The following RBFOX1 variants were observed in gnomAD, a reference collection of about 807,000 sequenced individuals.
RBFOX1 encodes RNA binding fox-1 homolog 1, also known as RNA binding protein fox-1 homolog 1.
RBFOX1 carries 8 observed loss-of-function variants against 57.7 expected under a neutral mutation model. The ratio of observed to expected loss-of-function variants is 0.14; its 90% CI spans 0.08 to 0.25. The LOEUF is 0.25. Among genes scored for constraint, RBFOX1 ranks in the 10% least tolerant of loss-of-function variants. The pLI is 1.00. For missense variants in RBFOX1, 611 were observed against 548.5 expected, an observed-to-expected ratio of 1.11 and a Z score of -1.14; for synonymous variants, 326 against 222.4, an observed-to-expected ratio of 1.47 and a Z score of -4.15.
intron 3 of RBFOX1, among the ~76,000 whole-genome samples, chr16:5,742,143 C>T (rs1301304102): frequency 6.6e-6 from 1 of 151,994 alleles, no homozygotes; most frequent in African/African-American, 2.4e-5. Flanking sequence ...TACATTTTTC[C>T]ATCATTTGGT....
intron 1 of RBFOX1, among the ~76,000 whole-genome samples, chr16:6,154,166 C>T (rs1331094849): frequency 6.6e-6 from 1 of 152,164 alleles, no homozygotes; most frequent in East Asian, 1.9e-4. Flanking sequence ...ATCATGCAAG[C>T]CAGTTATCTC....
chr16:7,559,633 C>T (rs2089819809), intron 5 of RBFOX1, among the ~76,000 whole-genome samples: 3 of 152,202 alleles, frequency 2.0e-5, no homozygotes, highest in Non-Finnish European at 1.5e-5. Context: ...AGTGATTGTG[C>T]TTTCCAAGGT....
intron 4 of RBFOX1, among the ~76,000 whole-genome samples, chr16:7,472,711 T>G (rs2061795010): frequency 6.6e-6 from 1 of 152,222 alleles, no homozygotes; most frequent in Admixed American, 6.5e-5. Context: ...TAGTAGCATG[T>G]GATCATATGA....
chr16:5,321,293 G>A (rs533925857), intron 1 of RBFOX1, among the ~76,000 whole-genome samples: 2 of 151,550 alleles, frequency 1.3e-5, no homozygotes, highest in Admixed American at 6.6e-5. Flanking sequence ...GATCATTACT[G>A]TACTAAAACA....
chr16:7,082,025 A>T (rs1226445939), intron 4 of RBFOX1, among the ~76,000 whole-genome samples: 2 of 152,152 alleles, frequency 1.3e-5, no homozygotes, highest in East Asian at 3.9e-4. Context: ...GGAAGAAGCG[A>T]TTGAATTCCT....
At chr16:7,367,675 C>G (rs1201331723) in intron 4 of RBFOX1, among the ~76,000 whole-genome samples, 3 of 152,128 alleles carry the variant, frequency 2.0e-5, no homozygotes, top group Non-Finnish European at 2.9e-5. Flanking sequence ...AAACAGAGAA[C>G]AAATGTCCCA....
rs1221239965 is a variant in RBFOX1 at position 5,366,446 on chromosome 16, C to G, written c.220-100770C>G. ...CAAGTCAAATCAAAATGAAAAGACT[C>G]AGAACCATCATCAACACCAAGATCA... is the stretch of plus-strand genomic sequence containing the variant. On this transcript the variant is annotated intron_variant, in intron 1 of 2. Transcript: ENST00000585867. The G allele has an allele frequency of 2.9e-5, 13 of 449,128 alleles. No individual in the cohort carries two copies. The Admixed American group carries it at 3.0e-4, about 10-fold the overall frequency. 27.8% of individuals were successfully genotyped at this position (449,128 alleles called of 1,614,324 possible). A position where few individuals can be genotyped will look rare whatever the true frequency, so the allele number is the denominator to read the frequency against.
chr16:7,627,124 CT>C (rs58159930), intron 10 of RBFOX1, among the ~76,000 whole-genome samples: 191 of 128,340 alleles, frequency 1.5e-3, no homozygotes, highest in Middle Eastern at 4.3e-3. Flanking sequence ...CCTCCGCCTC[CT>C]TTTTTTTTTT....
At chr16:5,722,068 A>G (rs879144558) in intron 3 of RBFOX1, among the ~76,000 whole-genome samples, 7 of 152,114 alleles carry the variant, frequency 4.6e-5, no homozygotes, top group Admixed American at 4.6e-4. Flanking sequence ...GAAGTATTGA[A>G]CTCTGTTAGC....
chr16:7,705,327 A>G (rs914887797), intron 14 of RBFOX1, among the ~76,000 whole-genome samples: 1 of 152,046 alleles, frequency 6.6e-6, no homozygotes, highest in Non-Finnish European at 1.5e-5. Context: ...TAACACAGTG[A>G]AGCCCCATAT....
intron 3 of RBFOX1, among the ~76,000 whole-genome samples, chr16:6,972,591 G>A (rs959808064): frequency 1.3e-5 from 2 of 152,156 alleles, no homozygotes; most frequent in Admixed American, 1.3e-4. Flanking sequence ...TGATTGGAAT[G>A]TTCTGGGAGA....
intron 4 of RBFOX1, among the ~76,000 whole-genome samples, chr16:7,177,724 C>T (rs1026735523): frequency 6.6e-6 from 1 of 152,164 alleles, no homozygotes; most frequent in Admixed American, 6.6e-5. Flanking sequence ...GGAGCCAGGT[C>T]ATAAATATTT....
intron 3 of RBFOX1, among the ~76,000 whole-genome samples, chr16:6,735,729 C>G (rs772866183): frequency 3.9e-5 from 6 of 152,036 alleles, no homozygotes; most frequent in Non-Finnish European, 8.8e-5. Flanking sequence ...ATGAAAAGCC[C>G]CAGTGCAGGA....
chr16:6,877,488 G>A (rs1314908052), intron 3 of RBFOX1, among the ~76,000 whole-genome samples: 1 of 152,138 alleles, frequency 6.6e-6, no homozygotes, highest in Admixed American at 6.6e-5. Context: ...ACCATAAAAT[G>A]CCTACTTACT....
chr16:6,002,498 A>G (rs1162447513), intron 4 of RBFOX1, among the ~76,000 whole-genome samples: 2 of 152,168 alleles, frequency 1.3e-5, no homozygotes, highest in African/African-American at 2.4e-5. Context: ...TAAAACAGGA[A>G]ATCTTCTTTG....
intron 2 of RBFOX1, among the ~76,000 whole-genome samples, chr16:6,449,002 T>C (rs979818814): frequency 3.3e-5 from 5 of 152,160 alleles, no homozygotes; most frequent in African/African-American, 1.2e-4. Context: ...TAAACCTACA[T>C]TGAAAAAGAA....
chr16:5,357,282 G>T (rs1417383085), intron 1 of RBFOX1, among the ~76,000 whole-genome samples: 1 of 150,552 alleles, frequency 6.6e-6, no homozygotes, highest in Non-Finnish European at 1.5e-5. Flanking sequence ...GGCTGAACCA[G>T]TCAGAGACCT....
intron 14 of RBFOX1, among the ~76,000 whole-genome samples, chr16:7,694,324 G>A (rs1377641755): frequency 6.6e-6 from 1 of 152,144 alleles, no homozygotes; most frequent in Non-Finnish European, 1.5e-5. Flanking sequence ...TATCAATGCT[G>A]CAGTAAAAAA....
chr16:7,396,726 G>C (rs1030452438), intron 4 of RBFOX1, among the ~76,000 whole-genome samples: 23 of 152,144 alleles, frequency 1.5e-4, no homozygotes, highest in African/African-American at 5.3e-4. Flanking sequence ...GATCACTTGA[G>C]GTCAGAAGTT....
Sources: allele counts gnomAD v4.1 joint callset (sites outside exome capture counted in the v4.1 genomes callset), GRCh38; gene constraint gnomAD v4.1.1; transcripts MANE v1.5; gene names NCBI Gene and HGNC (gene_info 2026-07-23, HGNC 2026-07-21).